The following REPS1 variants were observed in gnomAD, a reference collection of about 807,000 sequenced individuals.
REPS1 encodes RALBP1 associated Eps domain containing 1.
A neutral mutation model predicts 100.9 loss-of-function variants in REPS1; 39 were observed. The observed-to-expected ratio is 0.39, with a 90% CI of 0.30 to 0.50. The LOEUF (loss-of-function observed/expected upper bound fraction) is 0.50, where lower values mean the gene tolerates loss of function less well. Ranked by LOEUF, REPS1 falls within the 20% of genes least tolerant of loss-of-function variation. The pLI is 0.86. For missense variants in REPS1, 821 were observed against 968.5 expected (o/e 0.85, Z 2.02); for synonymous variants, 324 against 340.3 (o/e 0.95, Z 0.53).
rs775927490 is a variant in REPS1, at chr6:138,921,097, T to C, written c.1366A>G (p.Ile456Val). 21 of 1,611,614 alleles carry C rather than the reference T, an allele frequency of 1.3e-5. No individual in the cohort carries two copies. The highest frequency in any genetic ancestry group is 1.8e-5 in the Non-Finnish European group (21 of 1,178,280). Residue 456 changes from isoleucine (I) to valine (V), a missense_variant, in exon 11 of 20, where the codon ATT becomes GTT. Physicochemically the swap from Ile to Val is conservative, Grantham distance 29 (BLOSUM62 3). This residue lies in a region of REPS1 where 757 missense variants were observed against 866.4 expected (regional missense o/e 0.87). Coordinates refer to ENST00000450536, the MANE Select transcript of REPS1 (RefSeq NM_001286611.2). ...TGGATTTTGCTTGGAGTCATACGAA[T>C]GGGAACTGGATGAACAATAGCAGTA... ...PDTAIVHPVP[I>V]RMTPSKIHMQ...
chr6:138,972,870 C>A (rs1464215619), intron 1 of REPS1, among the ~76,000 whole-genome samples: 1 of 152,006 alleles, frequency 6.6e-6, no homozygotes, highest in Non-Finnish European at 1.5e-5. Context: ...CTGAAAAAAA[C>A]TCATTAATTA....
chr6:138,982,136 C>A (rs1784989847), intron 1 of REPS1, among the ~76,000 whole-genome samples: 1 of 152,166 alleles, frequency 6.6e-6, no homozygotes, highest in African/African-American at 2.4e-5. Flanking sequence ...TCCAGAATAA[C>A]AAACCTGAGA....
chr6:138,966,330 T>C (rs1784022053), intron 1 of REPS1, among the ~76,000 whole-genome samples: 1 of 152,150 alleles, frequency 6.6e-6, no homozygotes, highest in African/African-American at 2.4e-5. Context: ...ACTTATAATA[T>C]GATAAAGAGA....
intron 8 of REPS1, among the ~76,000 whole-genome samples, chr6:138,935,468 A>C (rs1233863718): frequency 2.6e-5 from 4 of 152,200 alleles, no homozygotes; most frequent in Non-Finnish European, 4.4e-5. Context: ...ATTCAAAATA[A>C]ATACTAAAAT....
chr6:138,941,170 T>C (rs1782223152), intron 8 of REPS1, among the ~76,000 whole-genome samples, 165 bp downstream of exon 8: 1 of 152,210 alleles, frequency 6.6e-6, no homozygotes, highest in African/African-American at 2.4e-5. Context: ...ATAAGACAAA[T>C]TCAAGCTTGG....
chr6:138,984,786 T>C (rs1361421999), intron 1 of REPS1, among the ~76,000 whole-genome samples: 2 of 152,138 alleles, frequency 1.3e-5, no homozygotes, highest in Non-Finnish European at 2.9e-5. Context: ...AATCTACCAC[T>C]CCCTGTTACC....
At chr6:138,911,503 G>C (rs1191661124) in intron 16 of REPS1, 132 bp from the exon 17 acceptor site, 4 of 670,460 alleles carry the variant, frequency 6.0e-6, no homozygotes, top group Middle Eastern at 4.0e-4. Flanking sequence ...TAAGAAACTT[G>C]AAGGAACTTT....
At chr6:138,951,113 G>GA (rs895451260) in intron 1 of REPS1, 1 of 151,950 alleles carries the variant, frequency 6.6e-6, no homozygotes, top group Non-Finnish European at 1.5e-5. Flanking sequence ...CTTGAACCCG[G>GA]GGGGGCAGAG....
intron 8 of REPS1, among the ~76,000 whole-genome samples, chr6:138,940,499 C>A (rs1037479683): frequency 3.9e-5 from 6 of 152,114 alleles, no homozygotes; most frequent in Non-Finnish European, 8.8e-5. Flanking sequence ...GTAATCCCAG[C>A]ACTTTGGGAG....
chr6:138,963,773 A>G (rs534520382), intron 1 of REPS1, among the ~76,000 whole-genome samples: 101 of 152,306 alleles, frequency 6.6e-4, no homozygotes, highest in Non-Finnish European at 8.1e-4. Flanking sequence ...TCAAAACAGA[A>G]TATGTTTAGC....
At chr6:138,941,240 A>T in intron 8 of REPS1, 95 bp downstream of exon 8, 2 of 1,299,966 alleles carry the variant, frequency 1.5e-6, no homozygotes, top group African/African-American at 1.5e-5. Flanking sequence ...CTAAGCTATT[A>T]AGCTAAGGTT....
chr6:138,966,138 T>C (rs1784008517), intron 1 of REPS1, among the ~76,000 whole-genome samples: 1 of 152,202 alleles, frequency 6.6e-6, no homozygotes, highest in South Asian at 2.1e-4. Flanking sequence ...TTGCCACTAT[T>C]GCTCCTCTAG....
intron 8 of REPS1, among the ~76,000 whole-genome samples, chr6:138,940,305 T>C (rs1305339214): frequency 1.3e-5 from 2 of 152,226 alleles, no homozygotes; most frequent in African/African-American, 4.8e-5. Context: ...CATCATCATA[T>C]ACAAATGAGA....
chr6:138,940,676 G>A (rs1782189532), intron 8 of REPS1, among the ~76,000 whole-genome samples: 1 of 151,804 alleles, frequency 6.6e-6, no homozygotes. Flanking sequence ...AACCCGGGAG[G>A]TGGAGACTGC....
chr6:138,904,185 A>C lies in REPS1; in HGVS notation c.*879T>G, dbSNP rs950218089. 6.6e-6 allele frequency: 1 copy of C among 152,180 alleles called. No individual in the cohort carries two copies. Among genetic ancestry groups the C allele is most frequent in the Non-Finnish European group, 1.5e-5 (1 of 68,012 alleles). 9.4% of individuals were successfully genotyped at this position (152,180 alleles called of 1,614,324 possible). On this transcript the variant is annotated 3_prime_UTR_variant, in exon 20 of 20. Coordinates refer to ENST00000450536, the MANE Select transcript of REPS1 (RefSeq NM_001286611.2). ...ATCATTTAATATTAAACAAAATCTA[A>C]AACAGCATATTGTCCTGAATAAGGC...
At chr6:138,930,584 G>C (rs913190056) in intron 8 of REPS1, among the ~76,000 whole-genome samples, 2 of 151,944 alleles carry the variant, frequency 1.3e-5, no homozygotes, top group African/African-American at 4.8e-5. Flanking sequence ...AATAAGCTTT[G>C]TTTAAATCAC....
intron 9 of REPS1, 39 bp downstream of exon 9, chr6:138,929,938 A>G (rs1167413068): frequency 6.2e-7 from 1 of 1,604,840 alleles, no homozygotes; most frequent in Non-Finnish European, 8.5e-7. Flanking sequence ...ACCTTAAAAG[A>G]GTTAACTTTT....
At position 138,904,912 on chromosome 6, in the gene REPS1, ATACT is replaced by A. The variant is rs1354134941; in HGVS notation, c.*148_*151del. ...TATTGTCGAAATTAAAAAATAAAAG[ATACT>A]TAAATACAACGGTGAACATATAGGG... is the stretch of plus-strand genomic sequence containing the variant. On this transcript the variant is annotated 3_prime_UTR_variant, in exon 20 of 20. Transcript: ENST00000450536. The A allele has an allele frequency of 9.1e-5, 52 of 569,990 alleles. No individual in the cohort carries two copies. Among genetic ancestry groups the A allele is most frequent in the Admixed American group, 3.3e-5 (1 of 30,294 alleles). The allele number at this position is 569,990 out of a possible 1,614,324, so 35.3% of individuals were successfully genotyped here.
chr6:138,917,144 A>G (rs1182648943), intron 13 of REPS1, among the ~76,000 whole-genome samples: 2 of 152,344 alleles, frequency 1.3e-5, no homozygotes, highest in South Asian at 2.1e-4. Flanking sequence ...TGTGCCTGAA[A>G]GGTTATATGT....
Sources: gnomAD v4.1 joint callset for allele counts (sites outside exome capture counted in the v4.1 genomes callset) on GRCh38, gnomAD v4.1.1 for gene constraint, gnomAD v4.1.1 regional missense constraint, MANE v1.5 for transcripts, NCBI Gene and HGNC (gene_info 2026-07-23, HGNC 2026-07-21) for gene names.